METTL4: variants seen among roughly 807,000 people sequenced by gnomAD.
METTL4 encodes the protein N(6)-adenine-specific methyltransferase METTL4.
Under a neutral mutation model 54.0 loss-of-function variants are expected in METTL4, and 40 were observed. The ratio of observed to expected loss-of-function variants is 0.74; its 90% CI spans 0.58 to 0.96. The LOEUF (loss-of-function observed/expected upper bound fraction) is 0.96, where lower values mean the gene tolerates loss of function less well. METTL4 is among the 50% of genes least tolerant of loss of function. METTL4 has a pLI of 0.00. For missense variants in METTL4, 525 were observed against 549.0 expected, an observed-to-expected ratio of 0.96 and a Z score of 0.44; for synonymous variants, 169 against 183.8, an observed-to-expected ratio of 0.92 and a Z score of 0.65.
chr18:2,559,225 A>G (rs1055222401), intron 3 of METTL4, among the ~76,000 whole-genome samples: 1 of 152,262 alleles, frequency 6.6e-6, no homozygotes, highest in Non-Finnish European at 1.5e-5. Context: ...AAAAGTCCAT[A>G]AACAAATGGA....
At chr18:2,539,297 T>C (rs2071957958) in intron 8 of METTL4, 152 bp from the exon 9 acceptor site, 4 of 669,708 alleles carry the variant, frequency 6.0e-6, no homozygotes, top group Non-Finnish European at 9.9e-6. Context: ...CTTTACTATT[T>C]ATAGTTAGAA....
chr18:2,565,812 C>G (rs113349376), intron 2 of METTL4, among the ~76,000 whole-genome samples: 1 of 151,892 alleles, frequency 6.6e-6, no homozygotes, highest in African/African-American at 2.4e-5. Context: ...TGGCTCAAGC[C>G]GAGGTGGGCA....
At chr18:2,540,360 C>G in intron 8 of METTL4, 1 of 980,352 alleles carries the variant, frequency 1.0e-6, no homozygotes, top group Non-Finnish European at 1.2e-6. Flanking sequence ...TAAGATTGCG[C>G]TTGGAAGAAA....
intron 8 of METTL4, among the ~76,000 whole-genome samples, chr18:2,541,118 AAAAC>A (rs1409977929): frequency 8.5e-5 from 13 of 152,256 alleles, no homozygotes; most frequent in African/African-American, 3.1e-4. Flanking sequence ...CTAGTTAAGA[AAAAC>A]AGAATATTAA....
At chr18:2,554,024 C>A (rs2072199890) in intron 4 of METTL4, 1 of 152,058 alleles carries the variant, frequency 6.6e-6, no homozygotes, top group Admixed American at 6.5e-5. Flanking sequence ...GTCCAAATAA[C>A]AATAAACAGC....
intron 3 of METTL4, among the ~76,000 whole-genome samples, chr18:2,557,258 T>C (rs2072252491): frequency 6.6e-6 from 1 of 152,000 alleles, no homozygotes; most frequent in African/African-American, 2.4e-5. Flanking sequence ...TACTGATCAG[T>C]ACAAGTGTGT....
rs2071955269 is a variant in METTL4 at position 2,539,133 on chromosome 18, T to A, written c.1286A>T (p.Asp429Val). 6.2e-7 allele frequency: 1 copy of A among 1,613,538 alleles called. No homozygotes were observed. The highest frequency in any genetic ancestry group is 8.5e-7 in the Non-Finnish European group (1 of 1,179,658). The change falls in exon 9 of 9, where the codon GAC (aspartate) becomes GTC (valine). Residue 429 changes from aspartate to valine, a missense_variant. Physicochemically the swap from Asp to Val is radical, Grantham distance 152. Transcript: ENST00000574538. Reference sequence around the variant, plus strand: ...ATATTCCCCATCTGGCTTGATGTAGTCTTTTAAAACCTCTGTTTAAAAAAG... The same window carrying A: ...ATATTCCCCATCTGGCTTGATGTAGACTTTTAAAACCTCTGTTTAAAAAAG... ...HKPPLAEVLK[D>V]YIKPDGEYLE...
intron 3 of METTL4, 36 bp from the exon 4 acceptor site, chr18:2,555,074 G>T: frequency 1.3e-6 from 2 of 1,586,994 alleles, no homozygotes; most frequent in South Asian, 2.3e-5. Context: ...AAAGAACGTT[G>T]ACATTAAAAA....
In METTL4 at chr18:2,538,360, T is replaced by A. The variant is rs76044341; in HGVS notation, c.*640A>T. 577 of 155,400 alleles carry A rather than the reference T, an allele frequency of 3.7e-3. 5 individuals carry two copies. The highest frequency in any genetic ancestry group is 0.012 in the African/African-American group (507 of 41,734). The allele number at this position is 155,400 out of a possible 1,614,324, so 9.6% of individuals were successfully genotyped here. On this transcript the variant is annotated 3_prime_UTR_variant, in exon 9 of 9. Coordinates refer to ENST00000574538, the MANE Select transcript of METTL4 (RefSeq NM_022840.5). ...GTATACTAATGCAGTATTTGGCAGA[T>A]CTTTGAATATTTTCTCCAGAACATA...
In METTL4 at chr18:2,571,484, C is replaced by T. The variant is rs1009907531; in HGVS notation, c.-774G>A. 1 of 152,246 alleles carries T rather than the reference C, an allele frequency of 6.6e-6. No individual in the cohort carries two copies. The highest frequency in any genetic ancestry group is 2.4e-5 in the African/African-American group (1 of 41,470). 9.4% of individuals were successfully genotyped at this position (152,246 alleles called of 1,614,324 possible). A position where few individuals can be genotyped will look rare whatever the true frequency, so the allele number is the denominator to read the frequency against. ...TGGGCGCGACCAGCACGCAGCCTTC[C>T]AGCGACGAGGCGGTCGCATGGAAGT... On this transcript the variant is annotated 5_prime_UTR_variant, in exon 1 of 9. It introduces an in-frame stop codon into an upstream open reading frame of the 5' UTR. Transcript: ENST00000574538.
In METTL4 at chr18:2,544,592, T is replaced by C. The variant is rs2072042938; in HGVS notation, c.1181+61A>G. Reference sequence around the variant, plus strand: ...ATTTTAAAAAGTCAATGATTACTAATCATTTTTAAAAGCGTAAAAATTAAT... The same window carrying C: ...ATTTTAAAAAGTCAATGATTACTAACCATTTTTAAAAGCGTAAAAATTAAT... On this transcript the variant is annotated intron_variant, in intron 7 of 8. Transcript: ENST00000574538. 6.5e-6 allele frequency: 7 copies of C among 1,075,024 alleles called. No individual in the cohort carries two copies. The East Asian group carries it at 1.4e-4, about 22-fold the overall frequency. 66.6% of individuals were successfully genotyped at this position (1,075,024 alleles called of 1,614,324 possible). A position where few individuals can be genotyped will look rare whatever the true frequency, so the allele number is the denominator to read the frequency against.
chr18:2,542,376 T>G (rs2072005446), intron 8 of METTL4, among the ~76,000 whole-genome samples: 1 of 115,568 alleles, frequency 8.7e-6, no homozygotes, highest in Non-Finnish European at 1.7e-5. Flanking sequence ...CCCACAACAG[T>G]CCCCAGAGTG....
chr18:2,551,916 C>T (rs562694130), intron 5 of METTL4, among the ~76,000 whole-genome samples: 1 of 152,120 alleles, frequency 6.6e-6, no homozygotes, highest in Non-Finnish European at 1.5e-5. Context: ...AGGAAAAGGC[C>T]AGGCACGGTG....
intron 3 of METTL4, among the ~76,000 whole-genome samples, chr18:2,555,775 T>TA (rs1379286540): frequency 1.3e-5 from 2 of 152,160 alleles, no homozygotes; most frequent in African/African-American, 4.8e-5. Context: ...TTACTTTTTT[T>TA]AAATGCACAA....
At chr18:2,540,618 A>G in intron 8 of METTL4, 11 of 985,424 alleles carry the variant, frequency 1.1e-5, no homozygotes, top group Non-Finnish European at 1.3e-5. Flanking sequence ...AGATACTGGC[A>G]CGAAGGCTTC....
rs2071983007 is a variant in METTL4 at position 2,540,775 on chromosome 18, T to C, written c.1274-1630A>G. 8 of 985,352 alleles carry C rather than the reference T, an allele frequency of 8.1e-6. No homozygotes were observed. In the South Asian group the frequency reaches 3.8e-4, roughly 46 times the overall value. The allele number at this position is 985,352 out of a possible 1,614,324, so 61.0% of individuals were successfully genotyped here. ...ACGCCTCACCAGCCTCAGTTCACTTTAATGTGGTCTCAGGTTACGCTGAAG... is the reference window on the plus strand; with the variant it reads ...ACGCCTCACCAGCCTCAGTTCACTTCAATGTGGTCTCAGGTTACGCTGAAG... On this transcript the variant is annotated intron_variant, in intron 8 of 8. Coordinates refer to ENST00000574538, the MANE Select transcript of METTL4 (RefSeq NM_022840.5).
At chr18:2,558,952 A>G (rs770299609) in intron 3 of METTL4, among the ~76,000 whole-genome samples, 1 of 152,250 alleles carries the variant, frequency 6.6e-6, no homozygotes, top group Non-Finnish European at 1.5e-5. Flanking sequence ...TAGGATAGCT[A>G]TTATCAAAAA....
intron 8 of METTL4, among the ~76,000 whole-genome samples, chr18:2,543,939 G>A (rs1051684160): frequency 2.0e-5 from 3 of 152,202 alleles, no homozygotes; most frequent in African/African-American, 7.2e-5. Context: ...TCAGCCCAGT[G>A]ATGGGAAGCA....
intron 5 of METTL4, 74 bp downstream of exon 5, chr18:2,552,621 C>A: frequency 1.1e-6 from 1 of 926,516 alleles, no homozygotes; most frequent in South Asian, 1.5e-5. Context: ...AAAGTAATGT[C>A]AATAGTATAT....
Sources: gnomAD v4.1 joint callset for allele counts (sites outside exome capture counted in the v4.1 genomes callset) on GRCh38, gnomAD v4.1.1 for gene constraint, MANE v1.5 for transcripts, NCBI Gene and HGNC (gene_info 2026-07-23, HGNC 2026-07-21) for gene names.